Variants in RALYL observed in about 807,000 individuals in gnomAD.
The protein encoded by RALYL is RNA-binding Raly-like protein.
RALYL carries 29 observed loss-of-function variants against 35.1 expected under a neutral mutation model. That is an observed-to-expected ratio of 0.83 (90% CI 0.61 to 1.13). The LOEUF (loss-of-function observed/expected upper bound fraction) is 1.13, where lower values mean the gene tolerates loss of function less well. Ranked by LOEUF, RALYL falls within the 50% of genes most tolerant of loss-of-function variation. RALYL has a pLI of 0.00. For missense variants in RALYL, 359 were observed against 360.4 expected (o/e 1.00, Z 0.03); for synonymous variants, 120 against 127.6 (o/e 0.94, Z 0.40).
intron 1 of RALYL, among the ~76,000 whole-genome samples, chr8:84,248,760 C>T (rs1304577337): frequency 1.3e-5 from 2 of 152,012 alleles, no homozygotes. Context: ...ATATTTAACT[C>T]ATATTTATAT....
intron 1 of RALYL, among the ~76,000 whole-genome samples, chr8:84,476,319 C>T (rs1235173574): frequency 1.3e-5 from 2 of 152,126 alleles, no homozygotes; most frequent in Non-Finnish European, 2.9e-5. Context: ...TTTTATATTC[C>T]ACAGACAGTA....
intron 1 of RALYL, among the ~76,000 whole-genome samples, chr8:84,185,875 C>A (rs898262553): frequency 6.6e-6 from 1 of 152,108 alleles, no homozygotes. Flanking sequence ...CTGTCTGTAA[C>A]CTCAGTTTGT....
chr8:84,422,836 A>G (rs1238963173), intron 1 of RALYL, among the ~76,000 whole-genome samples: 2 of 148,630 alleles, frequency 1.3e-5, no homozygotes, highest in Non-Finnish European at 3.0e-5. Flanking sequence ...CAGGTTGTTC[A>G]GTTTCCATGT....
intron 1 of RALYL, among the ~76,000 whole-genome samples, chr8:84,376,912 A>G (rs571371917): frequency 6.6e-6 from 1 of 151,954 alleles, no homozygotes; most frequent in African/African-American, 2.4e-5. Context: ...CTGGAATACT[A>G]TATACAACTC....
chr8:84,251,251 C>G (rs1830145170), intron 1 of RALYL, among the ~76,000 whole-genome samples: 1 of 152,048 alleles, frequency 6.6e-6, no homozygotes, highest in Non-Finnish European at 1.5e-5. Flanking sequence ...AAATGTAGAC[C>G]TCAGAGGAGG....
intron 1 of RALYL, among the ~76,000 whole-genome samples, chr8:84,381,399 G>A (rs1361755710): frequency 1.3e-5 from 2 of 151,700 alleles, no homozygotes; most frequent in Non-Finnish European, 2.9e-5. Flanking sequence ...GAGAAAAAGG[G>A]GTCCTTCTTA....
intron 2 of RALYL, among the ~76,000 whole-genome samples, chr8:84,753,165 T>A (rs775558553): frequency 2.0e-5 from 3 of 152,194 alleles, no homozygotes; most frequent in Admixed American, 6.5e-5. Flanking sequence ...ATTTTGGAGT[T>A]TTAAGATTAA....
intron 1 of RALYL, among the ~76,000 whole-genome samples, chr8:84,310,326 A>G (rs111507107): frequency 0.02 from 3,082 of 152,016 alleles, 115 homozygotes; most frequent in African/African-American, 0.07. Context: ...GGCATGAGCC[A>G]CCATGCCTGG....
At chr8:84,865,942 G>T (rs1281947344) in intron 6 of RALYL, among the ~76,000 whole-genome samples, 2 of 152,114 alleles carry the variant, frequency 1.3e-5, no homozygotes, top group Non-Finnish European at 2.9e-5. Context: ...TGCTAAGAAG[G>T]CTTTCTTATG....
chr8:84,556,827 GACAC>G (rs1490414730), intron 2 of RALYL, among the ~76,000 whole-genome samples: 1 of 152,064 alleles, frequency 6.6e-6, no homozygotes, highest in Non-Finnish European at 1.5e-5. Context: ...GAGTCTCTAA[GACAC>G]CTAGCACAGA....
chr8:84,502,046 A>G (rs2056725010), intron 1 of RALYL, among the ~76,000 whole-genome samples: 1 of 151,856 alleles, frequency 6.6e-6, no homozygotes, highest in South Asian at 2.1e-4. Flanking sequence ...TTATATAACA[A>G]TCCAATCAAA....
chr8:84,669,499 C>T (rs1350930326), intron 2 of RALYL, among the ~76,000 whole-genome samples: 2 of 87,234 alleles, frequency 2.3e-5, no homozygotes, highest in Admixed American at 2.6e-4. Flanking sequence ...CCCCCCCCCC[C>T]ACTCTATTAG....
intron 1 of RALYL, among the ~76,000 whole-genome samples, chr8:84,396,149 G>C (rs1312509696): frequency 6.6e-6 from 1 of 151,878 alleles, no homozygotes; most frequent in Non-Finnish European, 1.5e-5. Flanking sequence ...AAACATGTTT[G>C]AGTTTGTTGT....
At chr8:84,377,379 G>T (rs1308930295) in intron 1 of RALYL, among the ~76,000 whole-genome samples, 2 of 148,132 alleles carry the variant, frequency 1.4e-5, no homozygotes. Flanking sequence ...AAAATGAGTT[G>T]TCAAGAGAAA....
At chr8:84,674,605 T>A (rs558711276) in intron 2 of RALYL, among the ~76,000 whole-genome samples, 1 of 152,314 alleles carries the variant, frequency 6.6e-6, no homozygotes, top group East Asian at 1.9e-4. Flanking sequence ...ACACTCTGGA[T>A]GATTACACAG....
chr8:84,685,043 C>T (rs1836458294), intron 2 of RALYL, among the ~76,000 whole-genome samples: 1 of 152,100 alleles, frequency 6.6e-6, no homozygotes, highest in Non-Finnish European at 1.5e-5. Flanking sequence ...GGTGTCTTTC[C>T]TTATGAAGGC....
intron 2 of RALYL, chr8:84,679,482 G>C: frequency 6.0e-6 from 2 of 332,622 alleles, no homozygotes; most frequent in East Asian, 7.5e-5. Flanking sequence ...TAGGACTGAT[G>C]CTTGCTTCAT....
At chr8:84,655,701 T>C (rs1003605043) in intron 2 of RALYL, among the ~76,000 whole-genome samples, 2 of 152,164 alleles carry the variant, frequency 1.3e-5, no homozygotes, top group African/African-American at 2.4e-5. Context: ...CAAATGGATT[T>C]TTTGTTTCAA....
intron 1 of RALYL, among the ~76,000 whole-genome samples, chr8:84,508,760 G>A (rs1032962251): frequency 6.6e-6 from 1 of 151,928 alleles, no homozygotes; most frequent in Non-Finnish European, 1.5e-5. Flanking sequence ...AGAATACAAC[G>A]TTGTTAAACA....
Sources: gnomAD v4.1 joint callset for allele counts (sites outside exome capture counted in the v4.1 genomes callset) on GRCh38, gnomAD v4.1.1 for gene constraint, MANE v1.5 for transcripts, NCBI Gene and HGNC (gene_info 2026-07-23, HGNC 2026-07-21) for gene names.